RIPOR1: variants seen among roughly 807,000 people sequenced by gnomAD.
RIPOR1 encodes the protein RHO family interacting cell polarization regulator 1, also known as rho family-interacting cell polarization regulator 1.
RIPOR1 carries 58 observed loss-of-function variants against 116.5 expected under a neutral mutation model. That is an observed-to-expected ratio of 0.50 (90% confidence interval 0.40 to 0.62). The LOEUF is 0.62. RIPOR1 is among the 20% of genes least tolerant of loss of function. The pLI, the probability that RIPOR1 is intolerant of heterozygous loss-of-function variation, is 0.00. For synonymous variants in RIPOR1, 605 were observed against 650.0 expected (o/e 0.93, Z 1.05); for missense variants, 1,372 against 1,586.2 (o/e 0.86, Z 2.29).
intron 1 of RIPOR1, among the ~76,000 whole-genome samples, chr16:67,519,140 C>T (rs549116000): frequency 8.5e-5 from 13 of 152,292 alleles, no homozygotes; most frequent in Non-Finnish European, 1.9e-4. Context: ...CACTACTACG[C>T]GTGCTGATGC....
At position 67,543,780 on chromosome 16, in the gene RIPOR1, C is replaced by G; in HGVS notation, c.2600+311C>G. On this transcript the variant is annotated intron_variant, in intron 14 of 21. Coordinates refer to ENST00000042381, the MANE Select transcript of RIPOR1 (RefSeq NM_024519.4). The surrounding 1 kb of genome is among the most constrained non-coding windows in gnomAD (Gnocchi z 4.7). ...GGTGCCTCCAGCCCCTCCTCTTCCC[C>G]TTGGCCTCACCTTGGACCTGCCCTT... 1 of 467,498 alleles carries G rather than the reference C, an allele frequency of 2.1e-6. No homozygotes were observed. Among genetic ancestry groups the G allele is most frequent in the Non-Finnish European group, 3.9e-6 (1 of 254,148 alleles). The allele number at this position is 467,498 out of a possible 1,614,324, so 29.0% of individuals were successfully genotyped here.
chr16:67,542,166 G>C lies in RIPOR1; in HGVS notation c.1380G>C (p.Leu460Phe). ...GTGAGGCTAGTGTAGATGCTGCCTT[G>C]GCTGAGGCTTCAGTGGAGGCCGTTG... ...HISEASVDAA[L>F]AEASVEAVGP... Residue 460 changes from leucine to phenylalanine, a missense_variant, in exon 13 of 22, where the codon TTG becomes TTC. Leu to Phe is a conservative substitution (Grantham distance 22, BLOSUM62 0). Coordinates refer to ENST00000042381, the MANE Select transcript of RIPOR1 (RefSeq NM_024519.4). The surrounding 1 kb of genome is among the most constrained non-coding windows in gnomAD (Gnocchi z 4.6). 1 of 1,613,326 alleles carries C rather than the reference G, an allele frequency of 6.2e-7. No individual in the cohort carries two copies. The highest frequency in any genetic ancestry group is 8.5e-7 in the Non-Finnish European group (1 of 1,179,698).
Position 67,537,545 on chromosome 16 carries a change from G to C in RIPOR1, c.-23-879G>C, listed in dbSNP as rs1018618983. 1 of 1,356,068 alleles carries C rather than the reference G, an allele frequency of 7.4e-7. No homozygotes were observed. The highest frequency in any genetic ancestry group is 3.3e-5 in the Admixed American group (1 of 30,080). 84.0% of individuals were successfully genotyped at this position (1,356,068 alleles called of 1,614,324 possible). A position where few individuals can be genotyped will look rare whatever the true frequency, so the allele number is the denominator to read the frequency against. On this transcript the variant is annotated intron_variant, in intron 1 of 21. Coordinates refer to ENST00000042381, the MANE Select transcript of RIPOR1 (RefSeq NM_024519.4). This position sits in a 1 kb window ranked among gnomAD's most constrained non-coding sequence, Gnocchi z 4.6. The stretch of plus-strand genomic sequence containing the variant: ...GCCAGGGCCGGAAGGTCCGCGGGGG[G>C]CGAGCGCGGGTCGGGGGCCGTCCCG...
In RIPOR1 at chr16:67,531,078, A is replaced by C. The variant is rs1397886021; in HGVS notation, c.-24+2164A>C. Among the ~76,000 whole-genome samples, 2 of 152,042 alleles carry C rather than the reference A, an allele frequency of 1.3e-5. No homozygotes were observed. The highest frequency in any genetic ancestry group is 2.9e-5 in the Non-Finnish European group (2 of 68,002). ...AGCAGAGGGCCAACCAGAGAGAGAAAAGTGATGGAACAGTCAGCGGTTTCC... is the reference window on the plus strand; with the variant it reads ...AGCAGAGGGCCAACCAGAGAGAGAACAGTGATGGAACAGTCAGCGGTTTCC... On this transcript the variant is annotated intron_variant, in intron 1 of 21. Coordinates refer to ENST00000042381, the MANE Select transcript of RIPOR1 (RefSeq NM_024519.4). The surrounding 1 kb of genome is among the most constrained non-coding windows in gnomAD (Gnocchi z 4.2).
chr16:67,530,081 G>A lies in RIPOR1; in HGVS notation c.-24+1167G>A. ...GTCCTGTGACTGCGGCGGGAGAGAG[G>A]AGCAAGGTGAGCCGCCCCAGGGGTC... On this transcript the variant is annotated intron_variant, in intron 1 of 21. Transcript: ENST00000042381. This position sits in a 1 kb window ranked among gnomAD's most constrained non-coding sequence, Gnocchi z 4.5. 1 of 598,904 alleles carries A rather than the reference G, an allele frequency of 1.7e-6. No individual in the cohort carries two copies. The highest frequency in any genetic ancestry group is 1.9e-5 in the South Asian group (1 of 52,586). 37.1% of individuals were successfully genotyped at this position (598,904 alleles called of 1,614,324 possible).
chr16:67,542,687 G>C lies in RIPOR1; in HGVS notation c.1901G>C (p.Ser634Thr), dbSNP rs2142571327. 6.2e-7 allele frequency: 1 copy of C among 1,609,446 alleles called. No homozygotes were observed. The highest frequency in any genetic ancestry group is 2.2e-5 in the East Asian group (1 of 44,734). The stretch of plus-strand genomic sequence containing the variant: ...CCCACAAGTCCCACCCACAAAACCA[G>C]TATGTCACCTCCCACCACTACAAGT... The part of the protein sequence containing the change: ...HTPTSPTHKT[S>T]MSPPTTTSPT... The change falls in exon 13 of 22, where the codon AGT (serine) becomes ACT (threonine). Residue 634 changes from serine to threonine, a missense_variant. Around this residue, in one of 3 missense-constraint regions of RIPOR1, gnomAD observed 1,005 missense variants for 1,144.7 expected, o/e 0.88. Transcript: ENST00000042381. The surrounding 1 kb of genome is among the most constrained non-coding windows in gnomAD (Gnocchi z 4.6).
rs2051000188 is a variant in RIPOR1 at position 67,541,966 on chromosome 16, G to T, written c.1180G>T (p.Ala394Ser). The T allele has an allele frequency of 1.9e-6, 3 of 1,611,854 alleles. No individual in the cohort carries two copies. Among genetic ancestry groups the T allele is most frequent in the African/African-American group, 1.3e-5 (1 of 75,024 alleles). Residue 394 changes from alanine (A) to serine (S), a missense_variant, in exon 13 of 22, where the codon GCC (alanine) becomes TCC (serine). By Grantham distance (99) the Ala-to-Ser change is moderately conservative. Around this residue, in one of 3 missense-constraint regions of RIPOR1, gnomAD observed 1,005 missense variants for 1,144.7 expected, o/e 0.88. Coordinates refer to ENST00000042381, the MANE Select transcript of RIPOR1 (RefSeq NM_024519.4). This position sits in a 1 kb window ranked among gnomAD's most constrained non-coding sequence, Gnocchi z 4.6. ...ATCCAGCCCACAGCTCTCAGGCACT[G>T]CCCGCCACTCACCAGCCCCTAGGCC... Reference protein sequence around the residue: ...DSSSPQLSGTARHSPAPRPLV... With the variant: ...DSSSPQLSGTSRHSPAPRPLV...
chr16:67,538,335 GA>G, intron 1 of RIPOR1, 88 bp from the exon 2 acceptor site: 1 of 1,473,742 alleles, frequency 6.8e-7, no homozygotes. Context: ...CTAGCGACAG[GA>G]AAGACCTGCG....
intron 1 of RIPOR1, among the ~76,000 whole-genome samples, chr16:67,519,384 T>C (rs2050474662): frequency 1.3e-5 from 2 of 151,790 alleles, no homozygotes; most frequent in Non-Finnish European, 2.9e-5. Context: ...CAGCTGGAAC[T>C]ACGCCCTCCT....
rs763455882 is a variant in RIPOR1 at position 67,543,244 on chromosome 16, C to A, written c.2458C>A (p.Arg820Ser). The A allele has an allele frequency of 3.8e-6, 6 of 1,591,310 alleles. No homozygotes were observed. The Admixed American group carries it at 8.7e-5, about 23-fold the overall frequency. The change falls in exon 13 of 22, where the codon CGC becomes AGC. Residue 820 changes from arginine to serine, a missense_variant. Coordinates refer to ENST00000042381, the MANE Select transcript of RIPOR1 (RefSeq NM_024519.4). This position sits in a 1 kb window ranked among gnomAD's most constrained non-coding sequence, Gnocchi z 4.7. Reference protein sequence around the residue: ...ELQGLEQEVTRLESLLMQRQG... With the variant: ...ELQGLEQEVTSLESLLMQRQG... The stretch of plus-strand genomic sequence containing the variant: ...GCAGGGCCTGGAGCAGGAGGTGACC[C>A]GCCTAGAAAGTCTGCTCATGGTGAG...
Position 67,542,480 on chromosome 16 carries a change from C to T in RIPOR1, c.1694C>T (p.Pro565Leu). ...AITTTHSAPSPLTHTTTGSTH... is the reference protein window; with the variant it reads ...AITTTHSAPSLLTHTTTGSTH... ...ACCACTACCCACAGTGCTCCAAGCCCCCTCACTCACACTACTACAGGCTCC... is the reference window on the plus strand; with the variant it reads ...ACCACTACCCACAGTGCTCCAAGCCTCCTCACTCACACTACTACAGGCTCC... Residue 565 changes from proline (P) to leucine (L), a missense_variant, in exon 13 of 22, where the codon CCC becomes CTC. Pro to Leu is a moderately conservative substitution (Grantham distance 98, BLOSUM62 -3). Coordinates refer to ENST00000042381, the MANE Select transcript of RIPOR1 (RefSeq NM_024519.4). The surrounding 1 kb of genome is among the most constrained non-coding windows in gnomAD (Gnocchi z 4.6). The T allele has an allele frequency of 6.2e-7, 1 of 1,613,898 alleles. No individual in the cohort carries two copies. The highest frequency in any genetic ancestry group is 8.5e-7 in the Non-Finnish European group (1 of 1,179,950).
Position 67,545,995 on chromosome 16 carries a change from C to T in RIPOR1, c.3434C>T (p.Thr1145Ile), listed in dbSNP as rs2051153649. 1.9e-6 allele frequency: 3 copies of T among 1,613,604 alleles called. No homozygotes were observed. Among genetic ancestry groups the T allele is most frequent in the African/African-American group, 1.3e-5 (1 of 74,960 alleles). The change falls in exon 20 of 22, where the codon ACT (threonine) becomes ATT (isoleucine). Residue 1145 changes from threonine to isoleucine, a missense_variant. Coordinates refer to ENST00000042381, the MANE Select transcript of RIPOR1 (RefSeq NM_024519.4). This position sits in a 1 kb window ranked among gnomAD's most constrained non-coding sequence, Gnocchi z 4.8. ...LDQLEDEDVQTRVAGCLALGC... is the reference protein window; with the variant it reads ...LDQLEDEDVQIRVAGCLALGC... ...CAGCTGGAGGATGAGGACGTGCAGA[C>T]TCGAGTGGCTGGCTGCCTGGCCCTA...
rs2050599367 is a variant in RIPOR1 at position 67,529,603 on chromosome 16, G to GTCCAGATT, written c.-24+690_-24+697dup. ...TCACCAGGGCTAGAGGTCGGATTCA[G>GTCCAGATT]TCCAGATTCAGCACCCTTTGTCCTC... On this transcript the variant is annotated intron_variant, in intron 1 of 21. Coordinates refer to ENST00000042381, the MANE Select transcript of RIPOR1 (RefSeq NM_024519.4). The surrounding 1 kb of genome is among the most constrained non-coding windows in gnomAD (Gnocchi z 4.1). 4 of 647,818 alleles carry GTCCAGATT rather than the reference G, an allele frequency of 6.2e-6. No homozygotes were observed. Among genetic ancestry groups the GTCCAGATT allele is most frequent in the Non-Finnish European group, 1.0e-5 (4 of 380,952 alleles). 40.1% of individuals were successfully genotyped at this position (647,818 alleles called of 1,614,324 possible).
In RIPOR1 at chr16:67,545,877, T is replaced by A. The variant is rs1194104762; in HGVS notation, c.3387+17T>A. On this transcript the variant is annotated intron_variant, in intron 19 of 21. Transcript: ENST00000042381. The surrounding 1 kb of genome is among the most constrained non-coding windows in gnomAD (Gnocchi z 4.8). Reference sequence around the variant, plus strand: ...CGGGAGAGGGTGAGTTGGACAGGGCTCCCTTGAGGGCGAGGGCTGGGGTCC... The same window carrying A: ...CGGGAGAGGGTGAGTTGGACAGGGCACCCTTGAGGGCGAGGGCTGGGGTCC... 1 of 1,609,824 alleles carries A rather than the reference T, an allele frequency of 6.2e-7. No homozygotes were observed. The highest frequency in any genetic ancestry group is 2.2e-5 in the East Asian group (1 of 44,842).
At position 67,541,460 on chromosome 16, in the gene RIPOR1, G is replaced by A. The variant is rs1294894591; in HGVS notation, c.832G>A (p.Val278Met). ...VTELKGLANHVVVGSVSCETK... is the reference protein window; with the variant it reads ...VTELKGLANHMVVGSVSCETK... ...AGAACTGAAGGGCCTGGCCAACCATGTGGTTGTGGGCAGTGTCTCCTGTGA... is the reference window on the plus strand; with the variant it reads ...AGAACTGAAGGGCCTGGCCAACCATATGGTTGTGGGCAGTGTCTCCTGTGA... The change falls in exon 11 of 22, where the codon GTG becomes ATG. Residue 278 changes from valine (V) to methionine (M), a missense_variant. Transcript: ENST00000042381. This position sits in a 1 kb window ranked among gnomAD's most constrained non-coding sequence, Gnocchi z 4.6. 6.2e-7 allele frequency: 1 copy of A among 1,614,102 alleles called. No homozygotes were observed. Among genetic ancestry groups the A allele is most frequent in the Non-Finnish European group, 8.5e-7 (1 of 1,179,978 alleles).
At chr16:67,527,853 CA>C (rs796470899), upstream of RIPOR1, among the ~76,000 whole-genome samples, 910 of 67,638 alleles carry the variant, frequency 0.013, 7 homozygotes, top group African/African-American at 0.037. Flanking sequence ...CACTCTGTCT[CA>C]AAAAAAAAAA....
At chr16:67,532,755 G>T (rs988970656) in intron 1 of RIPOR1, among the ~76,000 whole-genome samples, 1 of 152,236 alleles carries the variant, frequency 6.6e-6, no homozygotes, top group African/African-American at 2.4e-5. Flanking sequence ...TAAGGCTGTT[G>T]CCAGGATTAA....
In RIPOR1 at chr16:67,536,174, G is replaced by A. The variant is rs184370075; in HGVS notation, c.-23-2250G>A. Among the ~76,000 whole-genome samples, 100 of 152,324 alleles carry A rather than the reference G, an allele frequency of 6.6e-4. 2 individuals carry two copies. Among genetic ancestry groups the A allele is most frequent in the African/African-American group, 2.3e-3 (95 of 41,570 alleles). On this transcript the variant is annotated intron_variant, in intron 1 of 21. Coordinates refer to ENST00000042381, the MANE Select transcript of RIPOR1 (RefSeq NM_024519.4). ...TATTCAAAGAAGAGATAGGCTGGGC[G>A]CGGTGGCTCATGCCTGTAATCCCAG... is the stretch of plus-strand genomic sequence containing the variant.
In RIPOR1 at chr16:67,542,382, G is replaced by A. The variant is rs1359155246; in HGVS notation, c.1596G>A (p.Lys532=). Reference sequence around the variant, plus strand: ...CTGCACACCTAGACTCAGTTCATAAGTCCACAGACTCTGGCCCTTCAGAAC... The same window carrying A: ...CTGCACACCTAGACTCAGTTCATAAATCCACAGACTCTGGCCCTTCAGAAC... ...APSAHLDSVH[K]STDSGPSELP... Residue 532 remains lysine (K), a synonymous_variant, in exon 13 of 22, where the codon AAG becomes AAA. Transcript: ENST00000042381. This position sits in a 1 kb window ranked among gnomAD's most constrained non-coding sequence, Gnocchi z 4.6. 2.5e-6 allele frequency: 4 copies of A among 1,613,732 alleles called. No individual in the cohort carries two copies. In the South Asian group the frequency reaches 4.4e-5, roughly 18 times the overall value.
Sources: gnomAD v4.1 joint callset for allele counts (sites outside exome capture counted in the v4.1 genomes callset) on GRCh38, gnomAD v4.1.1 for gene constraint, gnomAD v4.1.1 regional missense constraint, Gnocchi (gnomAD v3.1) non-coding constraint, MANE v1.5 for transcripts, NCBI Gene and HGNC (gene_info 2026-07-23, HGNC 2026-07-21) for gene names.